The following LRRC2 variants were observed in gnomAD, a reference collection of about 807,000 sequenced individuals.
LRRC2 encodes leucine rich repeat containing 2, also known as leucine-rich repeat-containing protein 2.
LRRC2 carries 27 observed loss-of-function variants against 40.2 expected under a neutral mutation model. The ratio of observed to expected loss-of-function variants is 0.67; its 90% CI spans 0.49 to 0.93. The LOEUF (loss-of-function observed/expected upper bound fraction) is 0.93. Among genes scored for constraint, LRRC2 ranks in the 40% least tolerant of loss-of-function variants. LRRC2 has a pLI of 0.00. For missense variants in LRRC2, 402 were observed against 439.6 expected, an observed-to-expected ratio of 0.91 and a Z score of 0.76; for synonymous variants, 147 against 158.9, an observed-to-expected ratio of 0.92 and a Z score of 0.56.
At chr3:46,562,701 A>G (rs1644523293) in intron 1 of LRRC2, among the ~76,000 whole-genome samples, 1 of 150,712 alleles carries the variant, frequency 6.6e-6, no homozygotes, top group Admixed American at 6.6e-5. Context: ...GAATGACTCC[A>G]TCATAATCTA....
intron 3 of LRRC2, among the ~76,000 whole-genome samples, chr3:46,540,461 G>A (rs1456484164): frequency 6.6e-6 from 1 of 151,224 alleles, no homozygotes. Context: ...GGAGGCGAAG[G>A]TTGTAGTGAG....
intron 1 of LRRC2, chr3:46,557,785 T>C (rs1704842228): frequency 6.6e-6 from 1 of 152,194 alleles, no homozygotes; most frequent in Non-Finnish European, 1.5e-5. Context: ...GGGTAACTAA[T>C]AGGAGAACCC....
At chr3:46,555,494 A>G (rs1413951932) in intron 1 of LRRC2, among the ~76,000 whole-genome samples, 1 of 151,428 alleles carries the variant, frequency 6.6e-6, no homozygotes, top group Non-Finnish European at 1.5e-5. Context: ...TTTCTCTATT[A>G]TATATTTTAC....
At chr3:46,535,673 C>G (rs370736349) in intron 4 of LRRC2, among the ~76,000 whole-genome samples, 4 of 152,272 alleles carry the variant, frequency 2.6e-5, no homozygotes, top group African/African-American at 9.6e-5. Flanking sequence ...CTTCAGTTCA[C>G]TAAGTTTAAT....
intron 7 of LRRC2, among the ~76,000 whole-genome samples, chr3:46,522,362 G>A (rs898014273): frequency 4.3e-4 from 64 of 148,470 alleles, no homozygotes; most frequent in Non-Finnish European, 4.2e-4. Flanking sequence ...GCAACAGAGC[G>A]AGACTCAATC....
chr3:46,563,632 T>C (rs761296187), intron 1 of LRRC2, among the ~76,000 whole-genome samples: 11 of 152,254 alleles, frequency 7.2e-5, no homozygotes, highest in Non-Finnish European at 1.2e-4. Context: ...GTCTACTGTT[T>C]ATTTGCATCA....
rs1704651402 is a variant in LRRC2 at position 46,551,528 on chromosome 3, T to C, written c.64A>G (p.Lys22Glu). 1.2e-6 allele frequency: 2 copies of C among 1,614,034 alleles called. No homozygotes were observed. The highest frequency in any genetic ancestry group is 2.2e-5 in the South Asian group (2 of 91,058). The change falls in exon 2 of 9, where the codon AAG (lysine) becomes GAG (glutamate). Residue 22 changes from lysine to glutamate, a missense_variant. By Grantham distance (56) the Lys-to-Glu change is moderately conservative. Coordinates refer to ENST00000395905, the MANE Select transcript of LRRC2 (RefSeq NM_024512.5). The stretch of plus-strand genomic sequence containing the variant: ...TTCTTCTGCCAAGCTTTGTGCTTCT[T>C]GACACGAGTTTCCCACAAGGCTCTG... ...VIRALWETRV[K>E]KHKAWQKKEV...
intron 1 of LRRC2, among the ~76,000 whole-genome samples, chr3:46,562,118 A>T (rs1015437581): frequency 1.3e-5 from 2 of 152,176 alleles, no homozygotes; most frequent in African/African-American, 4.8e-5. Context: ...AATGACTAGA[A>T]TGTGGTGAAA....
At chr3:46,521,333 G>A (rs1446845372) in intron 8 of LRRC2, among the ~76,000 whole-genome samples, 189 bp downstream of exon 8, 1 of 152,142 alleles carries the variant, frequency 6.6e-6, no homozygotes, top group Non-Finnish European at 1.5e-5. Context: ...AAATGGACTA[G>A]CACAATTTGA....
At chr3:46,522,376 A>AAAATAAATAAATAAATAAAT (rs59264692) in intron 7 of LRRC2, among the ~76,000 whole-genome samples, 1 of 135,958 alleles carries the variant, frequency 7.4e-6, no homozygotes, top group Admixed American at 7.7e-5. Flanking sequence ...CTCAATCTCA[A>AAAATAAATAAATAAATAAAT]AAATAAATAA....
At chr3:46,539,469 T>C (rs1325205605) in intron 3 of LRRC2, among the ~76,000 whole-genome samples, 1 of 152,216 alleles carries the variant, frequency 6.6e-6, no homozygotes, top group Non-Finnish European at 1.5e-5. Context: ...AAAACCAGAC[T>C]CACACTTAGA....
chr3:46,543,477 A>G (rs943529738), intron 3 of LRRC2, among the ~76,000 whole-genome samples: 2 of 152,124 alleles, frequency 1.3e-5, no homozygotes, highest in African/African-American at 2.4e-5. Flanking sequence ...TTAGCCGGGT[A>G]TGGTGGCGGG....
chr3:46,550,085 T>C (rs1704610628), intron 2 of LRRC2, among the ~76,000 whole-genome samples: 1 of 152,192 alleles, frequency 6.6e-6, no homozygotes, highest in South Asian at 2.1e-4. Flanking sequence ...TATTGGACAA[T>C]CTCAGATTAG....
chr3:46,519,656 T>C (rs1316455745), intron 8 of LRRC2, among the ~76,000 whole-genome samples: 1 of 152,232 alleles, frequency 6.6e-6, no homozygotes, highest in Non-Finnish European at 1.5e-5. Flanking sequence ...AAGTGTACTT[T>C]CTCAGGCCCT....
At chr3:46,527,138 A>G (rs1221025656) in intron 7 of LRRC2, among the ~76,000 whole-genome samples, 7 of 152,206 alleles carry the variant, frequency 4.6e-5, no homozygotes, top group Non-Finnish European at 1.0e-4. Flanking sequence ...GCCAGCAGCG[A>G]TGTGAGCACT....
rs1703895805 is a variant in LRRC2, at chr3:46,518,008, AG to A, written c.*1005del. 6.6e-6 allele frequency: 1 copy of A among 152,284 alleles called. No individual in the cohort carries two copies. Among genetic ancestry groups the A allele is most frequent in the African/African-American group, 2.4e-5 (1 of 41,446 alleles). 9.4% of individuals were successfully genotyped at this position (152,284 alleles called of 1,614,324 possible). ...TACTGAGGTGTGTCCCAGGACCCCCAGGGTGACCACTCAGGACTGGATGGCC... is the reference window on the plus strand; with the variant it reads ...TACTGAGGTGTGTCCCAGGACCCCCAGGTGACCACTCAGGACTGGATGGCC... On this transcript the variant is annotated 3_prime_UTR_variant, in exon 9 of 9. Transcript: ENST00000395905.
intron 1 of LRRC2, among the ~76,000 whole-genome samples, chr3:46,556,650 A>C: frequency 6.7e-6 from 1 of 149,438 alleles, no homozygotes; most frequent in East Asian, 2.0e-4. Flanking sequence ...GTGATCTCCA[A>C]TAACTGCAAC....
At chr3:46,554,022 T>G (rs560348148) in intron 1 of LRRC2, among the ~76,000 whole-genome samples, 214 of 150,806 alleles carry the variant, frequency 1.4e-3, no homozygotes, top group African/African-American at 5.0e-3. Context: ...GTTGTTTTTT[T>G]GTTGTTTTTT....
intron 7 of LRRC2, among the ~76,000 whole-genome samples, chr3:46,522,740 A>T (rs1559408055): frequency 6.6e-6 from 1 of 150,730 alleles, no homozygotes; most frequent in Non-Finnish European, 1.5e-5. Flanking sequence ...ATAAAATTAA[A>T]TAAAAGATGA....
Sources: allele counts gnomAD v4.1 joint callset (sites outside exome capture counted in the v4.1 genomes callset), GRCh38; gene constraint gnomAD v4.1.1; transcripts MANE v1.5; gene names NCBI Gene and HGNC (gene_info 2026-07-23, HGNC 2026-07-21).